Variants in CTIF observed in about 807,000 individuals in gnomAD.
The protein encoded by CTIF is CBP80/20-dependent translation initiation factor.
A neutral mutation model predicts 66.0 loss-of-function variants in CTIF; 21 were observed. That is an observed-to-expected ratio of 0.32 (90% confidence interval 0.23 to 0.46). The LOEUF (loss-of-function observed/expected upper bound fraction) is 0.46. Ranked by LOEUF, CTIF falls within the 20% of genes least tolerant of loss-of-function variation. The pLI, the probability that CTIF is intolerant of heterozygous loss-of-function variation, is 1.00. For synonymous variants in CTIF, 345 were observed against 326.4 expected, an observed-to-expected ratio of 1.06 and a Z score of -0.62; for missense variants, 739 against 812.7, an observed-to-expected ratio of 0.91 and a Z score of 1.10.
intron 7 of CTIF, among the ~76,000 whole-genome samples, chr18:48,728,004 T>C (rs980702468): frequency 6.6e-6 from 1 of 152,204 alleles, no homozygotes; most frequent in Non-Finnish European, 1.5e-5. Flanking sequence ...TTCTCACATT[T>C]TACCTAGCAA....
chr18:48,702,111 G>A (rs895336257), intron 6 of CTIF, among the ~76,000 whole-genome samples: 3 of 152,216 alleles, frequency 2.0e-5, no homozygotes, highest in African/African-American at 7.2e-5. Flanking sequence ...ATGGTCCATG[G>A]TGATCCAGGC....
chr18:48,799,245 T>C (rs2067998495), intron 9 of CTIF, among the ~76,000 whole-genome samples: 1 of 152,196 alleles, frequency 6.6e-6, no homozygotes, highest in African/African-American at 2.4e-5. Flanking sequence ...AGGTTGTATA[T>C]CTCTTGCCTC....
At chr18:48,572,531 A>G (rs1568040443) in intron 1 of CTIF, among the ~76,000 whole-genome samples, 1 of 152,184 alleles carries the variant, frequency 6.6e-6, no homozygotes, top group Non-Finnish European at 1.5e-5. Flanking sequence ...TTACACAGCT[A>G]GTAGGAGCTA....
At chr18:48,616,424 C>A (rs757567629) in intron 1 of CTIF, among the ~76,000 whole-genome samples, 2 of 152,120 alleles carry the variant, frequency 1.3e-5, no homozygotes, top group Non-Finnish European at 2.9e-5. Flanking sequence ...TGCTCACTGG[C>A]GAGTCAGTAT....
intron 9 of CTIF, among the ~76,000 whole-genome samples, chr18:48,814,182 T>A (rs567425974): frequency 6.6e-6 from 1 of 152,164 alleles, no homozygotes; most frequent in African/African-American, 2.4e-5. Flanking sequence ...TTCATGGGTA[T>A]TTTTAGGGAA....
chr18:48,708,377 C>A (rs917651307), intron 6 of CTIF, among the ~76,000 whole-genome samples: 1 of 152,200 alleles, frequency 6.6e-6, no homozygotes, highest in Non-Finnish European at 1.5e-5. Context: ...GTATGTGTCT[C>A]TTGGTACCAG....
intron 1 of CTIF, among the ~76,000 whole-genome samples, chr18:48,616,084 G>A (rs1417802636): frequency 6.6e-6 from 1 of 152,230 alleles, no homozygotes. Context: ...GCCAGAGGCT[G>A]CTGCTGCAGG....
intron 1 of CTIF, among the ~76,000 whole-genome samples, chr18:48,608,565 C>T (rs757821427): frequency 2.0e-5 from 3 of 152,040 alleles, no homozygotes; most frequent in Non-Finnish European, 4.4e-5. Context: ...TGACCTGGGC[C>T]GGTCAGGGTG....
chr18:48,638,487 C>A (rs1277224355), intron 3 of CTIF, among the ~76,000 whole-genome samples: 1 of 152,120 alleles, frequency 6.6e-6, no homozygotes, highest in Non-Finnish European at 1.5e-5. Context: ...TGTTCTACCC[C>A]CTTTCTCCCC....
intron 1 of CTIF, among the ~76,000 whole-genome samples, chr18:48,560,386 C>T (rs1295000480): frequency 3.3e-5 from 5 of 151,924 alleles, no homozygotes; most frequent in East Asian, 1.9e-4. Context: ...CCACCACACC[C>T]GGCTAATTTT....
At chr18:48,667,221 C>CTATGCGGTG (rs1476270576) in intron 5 of CTIF, among the ~76,000 whole-genome samples, 2 of 152,052 alleles carry the variant, frequency 1.3e-5, no homozygotes, top group African/African-American at 4.8e-5. Flanking sequence ...AAAGACTAGA[C>CTATGCGGTG]TATGCGGTGT....
chr18:48,638,240 C>T (rs1184211172), intron 3 of CTIF, among the ~76,000 whole-genome samples: 1 of 152,138 alleles, frequency 6.6e-6, no homozygotes, highest in Non-Finnish European at 1.5e-5. Context: ...GATTTGGGGA[C>T]TCAAGCACCA....
intron 7 of CTIF, among the ~76,000 whole-genome samples, chr18:48,719,654 G>T (rs2092314151): frequency 6.6e-6 from 1 of 152,324 alleles, no homozygotes; most frequent in Middle Eastern, 3.4e-3. Flanking sequence ...CAAGATCCCA[G>T]TCCAGGCCAA....
chr18:48,730,456 CTT>C (rs1416937201), intron 7 of CTIF, among the ~76,000 whole-genome samples: 12 of 141,560 alleles, frequency 8.5e-5, no homozygotes, highest in Non-Finnish European at 1.1e-4. Flanking sequence ...GTGTGAGGGG[CTT>C]CCGCGGTGTG....
chr18:48,783,745 G>A (rs535581433), intron 9 of CTIF, among the ~76,000 whole-genome samples: 1 of 152,072 alleles, frequency 6.6e-6, no homozygotes, highest in African/African-American at 2.4e-5. Context: ...TCAGTGTTTT[G>A]CTGTCTGCCG....
intron 10 of CTIF, among the ~76,000 whole-genome samples, chr18:48,845,166 GGAGA>G (rs367563817): frequency 6.6e-6 from 1 of 150,798 alleles, no homozygotes; most frequent in African/African-American, 2.4e-5. Context: ...TGGGGGTGGG[GGAGA>G]GAGAGAGAGA....
intron 7 of CTIF, among the ~76,000 whole-genome samples, chr18:48,749,016 G>C (rs934971241): frequency 6.6e-6 from 1 of 152,216 alleles, no homozygotes; most frequent in Non-Finnish European, 1.5e-5. Context: ...TCTTTTATTA[G>C]ACAGGCTCCA....
chr18:48,601,570 C>A (rs1568063474), intron 1 of CTIF, among the ~76,000 whole-genome samples: 1 of 152,178 alleles, frequency 6.6e-6, no homozygotes, highest in African/African-American at 2.4e-5. Flanking sequence ...GGGGACCAGC[C>A]TGTGGGGAGT....
intron 5 of CTIF, 47 bp from the exon 6 acceptor site, chr18:48,670,622 C>A: frequency 6.5e-7 from 1 of 1,535,504 alleles, no homozygotes; most frequent in Non-Finnish European, 9.0e-7. Flanking sequence ...GGACAGGAGG[C>A]ATGAATGAGC....
Sources: gnomAD v4.1 joint callset for allele counts (sites outside exome capture counted in the v4.1 genomes callset) on GRCh38, gnomAD v4.1.1 for gene constraint, MANE v1.5 for transcripts, NCBI Gene and HGNC (gene_info 2026-07-23, HGNC 2026-07-21) for gene names.